CHKB: variants seen among roughly 807,000 people sequenced by gnomAD.
CHKB encodes the protein choline kinase beta, also known as choline/ethanolamine kinase.
Under a neutral mutation model 57.3 loss-of-function variants are expected in CHKB, and 45 were observed. The ratio of observed to expected loss-of-function variants is 0.79; its 90% CI spans 0.62 to 1.01. The LOEUF (loss-of-function observed/expected upper bound fraction) is 1.01. Ranked by LOEUF, CHKB falls within the 50% of genes least tolerant of loss-of-function variation. CHKB has a pLI of 0.00. For synonymous variants in CHKB, 224 were observed against 201.8 expected (o/e 1.11, Z -0.93); for missense variants, 517 against 502.8 (o/e 1.03, Z -0.27).
intron 3 of CHKB, 43 bp from the exon 4 acceptor site, chr22:50,581,596 G>A: frequency 6.2e-7 from 1 of 1,613,120 alleles, no homozygotes; most frequent in Non-Finnish European, 8.5e-7. Context: ...GGCTGGGGCA[G>A]GAGTGGGAAG....
At position 50,580,278 on chromosome 22, in the gene CHKB, G is replaced by C; in HGVS notation, c.737-7C>G. On this transcript the variant is annotated splice_polypyrimidine_tract_variant and splice_region_variant and intron_variant, in intron 6 of 10. Transcript: ENST00000406938. ...GAGAGCAGCAAGATGTTCCCTGGGG[G>C]AATGGGGTGAGGTTCTGCTCACTCC... The C allele has an allele frequency of 6.2e-7, 1 of 1,613,992 alleles. No individual in the cohort carries two copies. Among genetic ancestry groups the C allele is most frequent in the Non-Finnish European group, 8.5e-7 (1 of 1,180,012 alleles).
In CHKB at chr22:50,579,131, G is replaced by A. The variant is rs2070611180; in HGVS notation, c.*50C>T. 2.5e-6 allele frequency: 4 copies of A among 1,569,482 alleles called. No homozygotes were observed. Among genetic ancestry groups the A allele is most frequent in the Non-Finnish European group, 2.6e-6 (3 of 1,145,540 alleles). On this transcript the variant is annotated 3_prime_UTR_variant, in exon 11 of 11. Transcript: ENST00000406938. ...TTCTGCTCGTTGTTCCTCCCTCCAA[G>A]GTCCTGCCCTGGAGGCTCCAGGAGA... is the stretch of plus-strand genomic sequence containing the variant.
intron 4 of CHKB, 86 bp downstream of exon 4, chr22:50,581,334 G>C: frequency 6.5e-7 from 1 of 1,548,290 alleles, no homozygotes; most frequent in Non-Finnish European, 8.8e-7. Flanking sequence ...CACTCAAGTG[G>C]AGGGCTGGAT....
In CHKB at chr22:50,580,237, A is replaced by G. The variant is rs573700239; in HGVS notation, c.771T>C (p.Ala257=). The change falls in exon 7 of 11, where the codon GCT becomes GCC. Residue 257 remains alanine (A), a synonymous_variant. Transcript: ENST00000406938. ...CGAAGTCCACCAGCATGAGGCTGTC[A>G]GCATTTTCTGGCTCTGAGAGCAGCA... ...NILLLSEPEN[A]DSLMLVDFEY... 3 of 1,614,004 alleles carry G rather than the reference A, an allele frequency of 1.9e-6. No individual in the cohort carries two copies. Among genetic ancestry groups the G allele is most frequent in the East Asian group, 2.2e-5 (1 of 44,888 alleles).
In CHKB at chr22:50,582,810, G is replaced by GGCTGC. The variant is rs2070730416; in HGVS notation, c.-34_-30dup. The GGCTGC allele has an allele frequency of 6.5e-7, 1 of 1,536,390 alleles. No homozygotes were observed. The highest frequency in any genetic ancestry group is 1.4e-5 in the African/African-American group (1 of 72,172). ...GCGGGCTCGACCGGGCCCCAGGCCAGGCTGCGCTCCGCTCCCTTCGGACGG... is the reference window on the plus strand; with the variant it reads ...GCGGGCTCGACCGGGCCCCAGGCCAGGCTGCGCTGCGCTCCGCTCCCTTCGGACGG... On this transcript the variant is annotated 5_prime_UTR_variant, in exon 1 of 11. Coordinates refer to ENST00000406938, the MANE Select transcript of CHKB (RefSeq NM_005198.5).
chr22:50,581,946 G>C lies in CHKB; in HGVS notation c.334-84C>G, dbSNP rs548828466. ...GGCTCGCCTTCCTCCCACCAGAGCT[G>C]CGACTTCTGATCCAATTGCCTGGAG... On this transcript the variant is annotated intron_variant, in intron 2 of 10. Coordinates refer to ENST00000406938, the MANE Select transcript of CHKB (RefSeq NM_005198.5). 17 of 1,215,320 alleles carry C rather than the reference G, an allele frequency of 1.4e-5. No homozygotes were observed. The South Asian group carries it at 1.8e-4, about 13-fold the overall frequency. The allele number at this position is 1,215,320 out of a possible 1,614,324, so 75.3% of individuals were successfully genotyped here.
In CHKB at chr22:50,582,255, G is replaced by A. The variant is rs2070708540; in HGVS notation, c.327C>T (p.Ile109=). The change falls in exon 2 of 11, where the codon ATC becomes ATT. Residue 109 remains isoleucine, a synonymous_variant. Transcript: ENST00000406938. ...GCGCTCACACCCCCCTCACCTGCAA[G>A]ATGGCTCCGTACAGCCGCAGAAGCA... ...REVLLRLYGA[I]LQGVDSLVLE... The A allele has an allele frequency of 6.3e-7, 1 of 1,590,202 alleles. No individual in the cohort carries two copies. Among genetic ancestry groups the A allele is most frequent in the East Asian group, 2.3e-5 (1 of 43,896 alleles).
rs776158594 is a variant in CHKB at position 50,580,356 on chromosome 22, A to G, written c.736+2T>C. 1.9e-6 allele frequency: 3 copies of G among 1,613,804 alleles called. No homozygotes were observed. Among genetic ancestry groups the G allele is most frequent in the East Asian group, 2.2e-5 (1 of 44,894 alleles). On this transcript the variant is annotated splice_donor_variant, in intron 6 of 10. Coordinates refer to ENST00000406938, the MANE Select transcript of CHKB (RefSeq NM_005198.5). LOFTEE classifies it high-confidence loss of function. ...TTAGGAGACTCAGATGCCTTCTCCT[A>G]CCTTCCTGGATGTCATTGTGGCAGA...
intron 4 of CHKB, 84 bp downstream of exon 4, chr22:50,581,336 G>C: frequency 6.4e-7 from 1 of 1,558,680 alleles, no homozygotes; most frequent in Non-Finnish European, 8.7e-7. Flanking sequence ...CTCAAGTGGA[G>C]GGCTGGATAG....
chr22:50,582,750 C>T lies in CHKB; in HGVS notation c.32G>A (p.Ser11Asn). Reference protein sequence around the residue: MAAEATAVAGSGAVGGCLAKD... With the variant: MAAEATAVAGNGAVGGCLAKD... Reference sequence around the variant, plus strand: ...GGCCAGGCAGCCGCCAACAGCCCCGCTTCCGGCCACAGCTGTCGCCTCGGC... The same window carrying T: ...GGCCAGGCAGCCGCCAACAGCCCCGTTTCCGGCCACAGCTGTCGCCTCGGC... Residue 11 changes from serine (S) to asparagine (N), a missense_variant, in exon 1 of 11, where the codon AGC (serine) becomes AAC (asparagine). Physicochemically the swap from Ser to Asn is conservative, Grantham distance 46. Transcript: ENST00000406938. The T allele has an allele frequency of 1.3e-6, 2 of 1,592,914 alleles. No individual in the cohort carries two copies. The highest frequency in any genetic ancestry group is 2.3e-5 in the South Asian group (2 of 88,770).
intron 4 of CHKB, 120 bp downstream of exon 4, chr22:50,581,300 T>C: frequency 7.5e-7 from 1 of 1,332,822 alleles, no homozygotes; most frequent in Non-Finnish European, 1.0e-6. Context: ...AAGCCTGTTC[T>C]GTGACAGCCC....
In CHKB at chr22:50,582,674, C is replaced by T. The variant is rs1360477660; in HGVS notation, c.108G>A (p.Arg36=). The part of the protein sequence containing the change: ...SKCPDTTPKR[R]RASSLSRDAE... ...CGTCACGCGACAGCGACGAGGCGCG[C>T]CGCCGTTTTGGGGTAGTGTCCGGGC... The change falls in exon 1 of 11, where the codon CGG becomes CGA. Residue 36 remains arginine (R), a synonymous_variant. Transcript: ENST00000406938. 1 of 1,610,864 alleles carries T rather than the reference C, an allele frequency of 6.2e-7. No homozygotes were observed. The highest frequency in any genetic ancestry group is 1.3e-5 in the African/African-American group (1 of 74,964).
chr22:50,582,687 G>A lies in CHKB; in HGVS notation c.95C>T (p.Thr32Ile), dbSNP rs746266357. ...GLQQSKCPDTTPKRRRASSLS... is the reference protein window; with the variant it reads ...GLQQSKCPDTIPKRRRASSLS... ...CGACGAGGCGCGCCGCCGTTTTGGG[G>A]TAGTGTCCGGGCACTTAGACTGCTG... The change falls in exon 1 of 11, where the codon ACC (threonine) becomes ATC (isoleucine). Residue 32 changes from threonine (T) to isoleucine (I), a missense_variant. By Grantham distance (89) the Thr-to-Ile change is moderately conservative (BLOSUM62 -1). Coordinates refer to ENST00000406938, the MANE Select transcript of CHKB (RefSeq NM_005198.5). The A allele has an allele frequency of 6.2e-7, 1 of 1,610,652 alleles. No homozygotes were observed. The highest frequency in any genetic ancestry group is 1.1e-5 in the South Asian group (1 of 90,888).
rs1247488609 is a variant in CHKB, at chr22:50,581,410, C to A, written c.581+10G>T. 1 of 1,612,802 alleles carries A rather than the reference C, an allele frequency of 6.2e-7. No individual in the cohort carries two copies. Among genetic ancestry groups the A allele is most frequent in the Non-Finnish European group, 8.5e-7 (1 of 1,179,860 alleles). On this transcript the variant is annotated intron_variant, in intron 4 of 10. Transcript: ENST00000406938. ...GGAGTACAGGAGCCCTGAGGAGGCT[C>A]CTGACTCACCGCTCCATGGTCCCAA...
chr22:50,579,661 T>A (rs1433341139), intron 9 of CHKB, 66 bp downstream of exon 9: 8 of 1,511,426 alleles, frequency 5.3e-6, no homozygotes, highest in Non-Finnish European at 7.4e-6. Context: ...GCTTGATAAA[T>A]CTGCCTCTTC....
chr22:50,582,436 GC>G, intron 1 of CHKB, 79 bp from the exon 2 acceptor site: 1 of 1,446,760 alleles, frequency 6.9e-7, no homozygotes, highest in Non-Finnish European at 9.2e-7. Flanking sequence ...GGCCAGGCCG[GC>G]CCCGCCCCGC....
At chr22:50,579,286 T>C in intron 10 of CHKB, 31 bp from the exon 11 acceptor site, 1 of 1,608,646 alleles carries the variant, frequency 6.2e-7, no homozygotes, top group Non-Finnish European at 8.5e-7. Flanking sequence ...CACACAGTGG[T>C]GAGAAGACGT....
chr22:50,581,686 C>G, intron 3 of CHKB, 63 bp downstream of exon 3: 1 of 1,578,952 alleles, frequency 6.3e-7, no homozygotes. Context: ...AGACATTGGG[C>G]ACTGGGGTAG....
At chr22:50,579,858 T>C (rs560351546) in intron 8 of CHKB, 28 bp from the exon 9 acceptor site, 16 of 1,605,912 alleles carry the variant, frequency 1.0e-5, no homozygotes, top group Middle Eastern at 3.3e-4. Context: ...GAGTCAGGAA[T>C]TGGGGAGACT....
Sources: gnomAD v4.1 joint callset for allele counts on GRCh38, gnomAD v4.1.1 for gene constraint, MANE v1.5 for transcripts, NCBI Gene and HGNC (gene_info 2026-07-23, HGNC 2026-07-21) for gene names.